The following AGBL4 variants were observed in gnomAD, a reference collection of about 807,000 sequenced individuals.
AGBL4 encodes cytosolic carboxypeptidase 6.
A neutral mutation model predicts 66.4 loss-of-function variants in AGBL4; 58 were observed. The observed-to-expected ratio is 0.87, with a 90% CI of 0.71 to 1.09. The LOEUF (loss-of-function observed/expected upper bound fraction) is 1.09. Among genes scored for constraint, AGBL4 ranks in the 50% least tolerant of loss-of-function variants. The pLI, the probability that AGBL4 is intolerant of heterozygous loss-of-function variation, is 0.00. For synonymous variants in AGBL4, 234 were observed against 222.9 expected, an observed-to-expected ratio of 1.05 and a Z score of -0.44; for missense variants, 579 against 631.0, an observed-to-expected ratio of 0.92 and a Z score of 0.88.
intron 1 of AGBL4, among the ~76,000 whole-genome samples, chr1:49,882,538 T>C (rs1355222983): frequency 6.6e-6 from 1 of 152,142 alleles, no homozygotes; most frequent in Non-Finnish European, 1.5e-5. Flanking sequence ...TGTTCTTCCA[T>C]TTCTTTGTAT....
rs1164368309 is a variant in AGBL4 at position 49,733,025 on chromosome 1, GA to G, written c.158-35589del. On this transcript the variant is annotated intron_variant, in intron 2 of 13. Coordinates refer to ENST00000371839, the MANE Select transcript of AGBL4 (RefSeq NM_032785.4). ...TTAAAAACAGGGAAATATTAAAAAG[GA>G]AAAAAATTAAAAAGGGGAAATAACT... Among the ~76,000 whole-genome samples, 18 of 151,950 alleles carry G rather than the reference GA, an allele frequency of 1.2e-4. No homozygotes were observed. In the East Asian group the frequency reaches 3.5e-3, roughly 29 times the overall value.
chr1:49,541,080 AT>A (rs2148824202), intron 3 of AGBL4, among the ~76,000 whole-genome samples: 1 of 152,336 alleles, frequency 6.6e-6, no homozygotes, highest in African/African-American at 2.4e-5. Context: ...TTTCAGTAAA[AT>A]GGGAATAAAA....
chr1:49,312,322 T>G (rs1644955854), intron 3 of AGBL4, among the ~76,000 whole-genome samples: 1 of 152,054 alleles, frequency 6.6e-6, no homozygotes, highest in Non-Finnish European at 1.5e-5. Context: ...GGTGTCACTT[T>G]GGAAGCAAAG....
intron 4 of AGBL4, among the ~76,000 whole-genome samples, chr1:49,197,245 C>T (rs1416947697): frequency 6.6e-6 from 1 of 152,138 alleles, no homozygotes; most frequent in Admixed American, 6.6e-5. Context: ...TTCCCAAATG[C>T]CAGTTTTATG....
In AGBL4 at chr1:48,582,351, G is replaced by C. The variant is rs75353111; in HGVS notation, c.1267+4653C>G. Among the ~76,000 whole-genome samples the C allele has an allele frequency of 5.0e-3, 762 of 152,218 alleles. 17 individuals are homozygous for C. The South Asian group carries it at 0.053, about 11-fold the overall frequency. Reference sequence around the variant, plus strand: ...TTATATAACTTACATTTTAGAATCAGGAACATCTTAGAATGTCAGAGCTGG... The same window carrying C: ...TTATATAACTTACATTTTAGAATCACGAACATCTTAGAATGTCAGAGCTGG... On this transcript the variant is annotated intron_variant, in intron 11 of 13. Coordinates refer to ENST00000371839, the MANE Select transcript of AGBL4 (RefSeq NM_032785.4).
chr1:49,423,412 A>C (rs1645587431), intron 3 of AGBL4, among the ~76,000 whole-genome samples: 1 of 152,222 alleles, frequency 6.6e-6, no homozygotes, highest in Non-Finnish European at 1.5e-5. Context: ...AGTGTTCCTA[A>C]GACAGGCATG....
chr1:49,127,574 C>T (rs1161032513), intron 4 of AGBL4, among the ~76,000 whole-genome samples: 1 of 152,018 alleles, frequency 6.6e-6, no homozygotes, highest in Non-Finnish European at 1.5e-5. Context: ...ATTTTACTGT[C>T]TTCCAAAGTG....
intron 4 of AGBL4, among the ~76,000 whole-genome samples, chr1:49,219,141 C>T (rs1649304445): frequency 6.6e-6 from 1 of 152,134 alleles, no homozygotes; most frequent in Admixed American, 6.6e-5. Context: ...GTTTCCAGAT[C>T]AGAAGCCCAT....
At chr1:49,573,186 G>GTA (rs1041239124) in intron 3 of AGBL4, among the ~76,000 whole-genome samples, 2 of 141,164 alleles carry the variant, frequency 1.4e-5, no homozygotes, top group Non-Finnish European at 3.1e-5. Flanking sequence ...GTGTGTGTGT[G>GTA]TGTATACTTT....
chr1:49,342,078 G>A (rs1645550948), intron 3 of AGBL4, among the ~76,000 whole-genome samples: 1 of 152,154 alleles, frequency 6.6e-6, no homozygotes, highest in African/African-American at 2.4e-5. Context: ...CAATGGGACA[G>A]GTCATACCCC....
At chr1:49,406,914 A>T (rs1311556620) in intron 3 of AGBL4, among the ~76,000 whole-genome samples, 1 of 151,748 alleles carries the variant, frequency 6.6e-6, no homozygotes, top group East Asian at 1.9e-4. Context: ...AAATACAAAA[A>T]ATTAGCCAGG....
At chr1:49,416,074 G>C (rs897842569) in intron 3 of AGBL4, among the ~76,000 whole-genome samples, 2 of 151,924 alleles carry the variant, frequency 1.3e-5, no homozygotes, top group African/African-American at 4.8e-5. Context: ...TTTCCAATGA[G>C]GTAAATTTTG....
At chr1:48,865,456 C>T (rs1647958802) in intron 6 of AGBL4, among the ~76,000 whole-genome samples, 1 of 152,106 alleles carries the variant, frequency 6.6e-6, no homozygotes. Flanking sequence ...CACCAGTGTG[C>T]CACAACACAC....
At chr1:48,721,317 A>G (rs1647145571) in intron 6 of AGBL4, among the ~76,000 whole-genome samples, 2 of 152,178 alleles carry the variant, frequency 1.3e-5, no homozygotes, top group Middle Eastern at 3.2e-3. Context: ...TGATCTCAAC[A>G]TGGAAACCAC....
At chr1:49,097,116 C>G (rs898971484) in intron 4 of AGBL4, among the ~76,000 whole-genome samples, 1 of 152,156 alleles carries the variant, frequency 6.6e-6, no homozygotes, top group Admixed American at 6.5e-5. Flanking sequence ...GTTTGAATAG[C>G]AGCAATAAGA....
Position 49,429,870 on chromosome 1 carries a change from A to G in AGBL4, c.283-184006T>C, listed in dbSNP as rs1419802924. On this transcript the variant is annotated intron_variant, in intron 3 of 13. Transcript: ENST00000371839. Reference sequence around the variant, plus strand: ...AATATATTTTTTTTTTTTTTTTGAGACAGAGTCTCTGTCACCCAGGCTGGA... The same window carrying G: ...AATATATTTTTTTTTTTTTTTTGAGGCAGAGTCTCTGTCACCCAGGCTGGA... Among the ~76,000 whole-genome samples the G allele has an allele frequency of 2.7e-5, 4 of 147,698 alleles. No homozygotes were observed. The East Asian group carries it at 7.9e-4, about 29-fold the overall frequency.
intron 1 of AGBL4, among the ~76,000 whole-genome samples, chr1:49,977,682 T>C (rs779713316): frequency 1.3e-5 from 2 of 152,232 alleles, no homozygotes; most frequent in African/African-American, 2.4e-5. Flanking sequence ...TAAAATATTA[T>C]TTGTGCTACA....
At chr1:48,870,819 T>C (rs1015114908) in intron 5 of AGBL4, among the ~76,000 whole-genome samples, 6 of 152,196 alleles carry the variant, frequency 3.9e-5, no homozygotes, top group Non-Finnish European at 5.9e-5. Flanking sequence ...CAAGCAGATA[T>C]GCGTAGGCTG....
intron 4 of AGBL4, among the ~76,000 whole-genome samples, chr1:49,085,096 A>C (rs949072860): frequency 6.6e-6 from 1 of 152,166 alleles, no homozygotes; most frequent in Non-Finnish European, 1.5e-5. Context: ...CTGAGTAAAA[A>C]AAAATAACCT....
Sources: gnomAD v4.1 joint callset for allele counts (sites outside exome capture counted in the v4.1 genomes callset) on GRCh38, gnomAD v4.1.1 for gene constraint, MANE v1.5 for transcripts, NCBI Gene and HGNC (gene_info 2026-07-23, HGNC 2026-07-21) for gene names.